The following CCDC158 variants were observed in gnomAD, a reference collection of about 807,000 sequenced individuals.
The protein encoded by CCDC158 is coiled-coil domain-containing protein 158.
CCDC158 carries 116 observed loss-of-function variants against 138.6 expected under a neutral mutation model. The observed-to-expected ratio is 0.84, with a 90% CI of 0.72 to 0.98. CCDC158 has a LOEUF of 0.98. Ranked by LOEUF, CCDC158 falls within the 50% of genes least tolerant of loss-of-function variation. CCDC158 has a pLI of 0.00. For missense variants in CCDC158, 1,265 were observed against 1,306.1 expected, an observed-to-expected ratio of 0.97 and a Z score of 0.48; for synonymous variants, 436 against 442.4, an observed-to-expected ratio of 0.99 and a Z score of 0.18.
At chr4:76,346,930 C>T (rs925798068) in intron 18 of CCDC158, among the ~76,000 whole-genome samples, 3 of 152,104 alleles carry the variant, frequency 2.0e-5, no homozygotes, top group Non-Finnish European at 4.4e-5. Flanking sequence ...TGAAAAAAAG[C>T]TCATCATCAC....
At chr4:76,412,210 T>C (rs1422335926) in intron 1 of CCDC158, 78 bp from the exon 2 acceptor site, 1 of 152,240 alleles carries the variant, frequency 6.6e-6, no homozygotes, top group Non-Finnish European at 1.5e-5. Context: ...AAAAGTTCAA[T>C]TTACAAATTC....
intron 4 of CCDC158, 90 bp from the exon 5 acceptor site, chr4:76,384,755 A>G (rs1217882273): frequency 2.4e-6 from 2 of 822,994 alleles, no homozygotes; most frequent in Non-Finnish European, 3.9e-6. Flanking sequence ...TATATTTTCA[A>G]TTCATTTTTA....
chr4:76,333,150 C>T (rs1210496700), intron 19 of CCDC158, among the ~76,000 whole-genome samples: 1 of 152,094 alleles, frequency 6.6e-6, no homozygotes, highest in Admixed American at 6.6e-5. Context: ...TAATGTTTTA[C>T]TATTATTACT....
intron 1 of CCDC158, among the ~76,000 whole-genome samples, chr4:76,419,690 C>T (rs1475782021): frequency 6.6e-6 from 1 of 151,804 alleles, no homozygotes. Context: ...CTCTTAGGAC[C>T]TTTGCGTTTG....
chr4:76,410,894 A>G (rs1044354049), intron 2 of CCDC158, among the ~76,000 whole-genome samples: 3 of 152,204 alleles, frequency 2.0e-5, no homozygotes, highest in Non-Finnish European at 4.4e-5. Flanking sequence ...TAGCTGTGCC[A>G]CCTTGAGAAC....
At chr4:76,400,121 A>G (rs1003001997) in intron 3 of CCDC158, among the ~76,000 whole-genome samples, 1 of 152,270 alleles carries the variant, frequency 6.6e-6, no homozygotes, top group Non-Finnish European at 1.5e-5. Flanking sequence ...TTATTGCGGC[A>G]CTATTCACAA....
intron 2 of CCDC158, among the ~76,000 whole-genome samples, chr4:76,406,640 C>T (rs1294773609): frequency 6.6e-6 from 1 of 152,052 alleles, no homozygotes; most frequent in Non-Finnish European, 1.5e-5. Flanking sequence ...ACCTTCTGGT[C>T]ACAGTATAAT....
chr4:76,333,953 T>C, intron 19 of CCDC158, 57 bp downstream of exon 19: 1 of 1,327,558 alleles, frequency 7.5e-7, no homozygotes. Flanking sequence ...TGTGAATAAC[T>C]CAATGGCAAA....
In CCDC158 at chr4:76,371,265, C is replaced by T. The variant is rs1482024668; in HGVS notation, c.1149+152G>A. The T allele has an allele frequency of 6.5e-6, 5 of 766,382 alleles. No individual in the cohort carries two copies. The South Asian group carries it at 7.9e-5, about 12-fold the overall frequency. 47.5% of individuals were successfully genotyped at this position (766,382 alleles called of 1,614,324 possible). A position where few individuals can be genotyped will look rare whatever the true frequency, so the allele number is the denominator to read the frequency against. On this transcript the variant is annotated intron_variant, in intron 10 of 24. Transcript: ENST00000682701. ...TATACAGAATATCATATTTTATATG[C>T]AAAACTTGAATTGTGTCTAAAATAA...
At chr4:76,342,407 G>A (rs528931381) in intron 18 of CCDC158, among the ~76,000 whole-genome samples, 116 of 152,244 alleles carry the variant, frequency 7.6e-4, no homozygotes, top group Non-Finnish European at 1.2e-3. Context: ...CATTTCCCCT[G>A]TCTGTAAAAC....
intron 18 of CCDC158, among the ~76,000 whole-genome samples, chr4:76,348,887 G>GA (rs1722809782): frequency 6.6e-6 from 1 of 152,092 alleles, no homozygotes; most frequent in Admixed American, 6.5e-5. Flanking sequence ...AGAAAATAGA[G>GA]AAAACAAACT....
At position 76,317,701 on chromosome 4, in the gene CCDC158, T is replaced by C. The variant is rs554899996; in HGVS notation, c.3278-4455A>G. ...AACATTCTACCCAACAACTGCAGAA[T>C]ATACATTCTTTTCATTAGCCCATGG... is the stretch of plus-strand genomic sequence containing the variant. On this transcript the variant is annotated intron_variant, in intron 24 of 24. Transcript: ENST00000682701. Among the ~76,000 whole-genome samples, 29 of 152,310 alleles carry C rather than the reference T, an allele frequency of 1.9e-4. No individual in the cohort carries two copies. In the South Asian group the frequency reaches 6.0e-3, roughly 32 times the overall value.
At chr4:76,391,102 A>T (rs1282380234) in intron 4 of CCDC158, among the ~76,000 whole-genome samples, 1 of 151,952 alleles carries the variant, frequency 6.6e-6, no homozygotes, top group Non-Finnish European at 1.5e-5. Flanking sequence ...AAGAAACATA[A>T]AACCTAATCT....
At chr4:76,388,564 G>A (rs528248506) in intron 4 of CCDC158, among the ~76,000 whole-genome samples, 13 of 152,298 alleles carry the variant, frequency 8.5e-5, no homozygotes, top group Admixed American at 2.0e-4. Context: ...CAGCTTAGCC[G>A]CAGTAGAAAA....
chr4:76,316,341 A>G lies in CCDC158; in HGVS notation c.3278-3095T>C, dbSNP rs1023380571. ...TGGAAAGTGTCAACAATAGACTAGA[A>G]CAAGTAGAAGAGAGACCTTCAGAAC... is the stretch of plus-strand genomic sequence containing the variant. On this transcript the variant is annotated intron_variant, in intron 24 of 24. Coordinates refer to ENST00000682701, the MANE Select transcript of CCDC158 (RefSeq NM_001394954.1). Among the ~76,000 whole-genome samples, 2 of 152,220 alleles carry G rather than the reference A, an allele frequency of 1.3e-5. 1 individual carries two copies. The highest frequency in any genetic ancestry group is 1.3e-4 in the Admixed American group (2 of 15,288).
At chr4:76,410,228 A>C (rs1729186069) in intron 2 of CCDC158, among the ~76,000 whole-genome samples, 1 of 152,184 alleles carries the variant, frequency 6.6e-6, no homozygotes, top group African/African-American at 2.4e-5. Context: ...TCTGTCGTCC[A>C]GGCTGGAGTG....
intron 18 of CCDC158, among the ~76,000 whole-genome samples, chr4:76,336,203 A>AAAC (rs1553964957): frequency 1.1e-4 from 16 of 150,828 alleles, no homozygotes; most frequent in African/African-American, 3.6e-4. Flanking sequence ...AAAAAAAAAA[A>AAAC]AAAAAACCAT....
chr4:76,337,056 C>T (rs1241741785), intron 18 of CCDC158, among the ~76,000 whole-genome samples: 1 of 152,180 alleles, frequency 6.6e-6, no homozygotes, highest in Non-Finnish European at 1.5e-5. Flanking sequence ...TCACGGATCA[C>T]TGCCGCCTTG....
chr4:76,344,379 A>G (rs1722345668), intron 18 of CCDC158, among the ~76,000 whole-genome samples: 1 of 152,226 alleles, frequency 6.6e-6, no homozygotes, highest in Non-Finnish European at 1.5e-5. Flanking sequence ...AAGCCATTAA[A>G]TCTTTTGAAG....
Sources: allele counts gnomAD v4.1 joint callset (sites outside exome capture counted in the v4.1 genomes callset), GRCh38; gene constraint gnomAD v4.1.1; transcripts MANE v1.5; gene names NCBI Gene and HGNC (gene_info 2026-07-23, HGNC 2026-07-21).